The following TULP4 variants were observed in gnomAD, a reference collection of about 807,000 sequenced individuals.
TULP4 encodes tubby-related protein 4.
In TULP4, 16 loss-of-function variants were observed where a neutral mutation model predicts 129.0. The ratio of observed to expected loss-of-function variants is 0.12; its 90% CI spans 0.08 to 0.19. The LOEUF is 0.19. TULP4 is among the 10% of genes least tolerant of loss of function. The probability of loss-of-function intolerance (pLI) is 1.00; values close to 1 mark genes in which losing one functional copy is unlikely to be tolerated. For missense variants in TULP4, 1,842 were observed against 2,059.1 expected, an observed-to-expected ratio of 0.89 and a Z score of 2.04; for synonymous variants, 998 against 854.0, an observed-to-expected ratio of 1.17 and a Z score of -2.94.
At chr6:158,287,781 T>C (rs1420113473) in intron 1 of TULP4, among the ~76,000 whole-genome samples, 5 of 152,180 alleles carry the variant, frequency 3.3e-5, no homozygotes, top group African/African-American at 1.2e-4. Flanking sequence ...ATTCATACTT[T>C]GAAAGGAGAG....
At position 158,502,166 on chromosome 6, in the gene TULP4, C is replaced by T. The variant is rs199951730; in HGVS notation, c.2503C>T (p.Pro835Ser). 4.5e-6 allele frequency: 7 copies of T among 1,569,522 alleles called. No individual in the cohort carries two copies. Among genetic ancestry groups the T allele is most frequent in the Admixed American group, 1.8e-5 (1 of 55,236 alleles). The change falls in exon 13 of 14, where the codon CCC becomes TCC. Residue 835 changes from proline to serine, a missense_variant. By Grantham distance (74) the Pro-to-Ser change is moderately conservative. Transcript: ENST00000367097. ...CCAGGTGACGAAGATAAACCCTCCACCCCCGTACCCAGGAACCATCCCCGC... is the reference window on the plus strand; with the variant it reads ...CCAGGTGACGAAGATAAACCCTCCATCCCCGTACCCAGGAACCATCCCCGC... ...EVQVTKINPPPPYPGTIPAAP... is the reference protein window; with the variant it reads ...EVQVTKINPPSPYPGTIPAAP...
Position 158,502,241 on chromosome 6 carries a change from C to T in TULP4, c.2578C>T (p.Pro860Ser), listed in dbSNP as rs935440800. ...GCCCCCTCTGCCGCCCCCACAGCCC[C>T]CAGTGGATGTGTGCTTGAAGAAGGG... is the stretch of plus-strand genomic sequence containing the variant. ...PPPPLPPPQPPVDVCLKKGDF... is the reference protein window; with the variant it reads ...PPPPLPPPQPSVDVCLKKGDF... Residue 860 changes from proline to serine, a missense_variant, in exon 13 of 14, where the codon CCA becomes TCA. Physicochemically the swap from Pro to Ser is moderately conservative, Grantham distance 74. Coordinates refer to ENST00000367097, the MANE Select transcript of TULP4 (RefSeq NM_020245.5). The T allele has an allele frequency of 6.3e-7, 1 of 1,591,242 alleles. No individual in the cohort carries two copies. The highest frequency in any genetic ancestry group is 8.6e-7 in the Non-Finnish European group (1 of 1,164,482).
chr6:158,410,652 A>G (rs1778078013), intron 1 of TULP4, among the ~76,000 whole-genome samples: 1 of 152,320 alleles, frequency 6.6e-6, no homozygotes, highest in South Asian at 2.1e-4. Flanking sequence ...TGCTTGGGTC[A>G]AATCATTGGC....
chr6:158,276,755 A>G (rs967670497), intron 1 of TULP4, among the ~76,000 whole-genome samples: 2 of 152,094 alleles, frequency 1.3e-5, no homozygotes, highest in African/African-American at 2.4e-5. Context: ...CTGCAGACCT[A>G]CCAAGGTGTT....
intron 1 of TULP4, among the ~76,000 whole-genome samples, chr6:158,249,646 A>T (rs1478586275): frequency 6.6e-6 from 1 of 152,192 alleles, no homozygotes; most frequent in African/African-American, 2.4e-5. Context: ...AATGGCTGTG[A>T]CAGCCGGGTC....
intron 12 of TULP4, among the ~76,000 whole-genome samples, chr6:158,499,254 C>T (rs897757770): frequency 6.6e-6 from 1 of 152,178 alleles, no homozygotes; most frequent in Non-Finnish European, 1.5e-5. Context: ...TCCCGTGGTG[C>T]GCACAGAGCC....
At chr6:158,433,161 CTT>C (rs1165648825) in intron 3 of TULP4, among the ~76,000 whole-genome samples, 1 of 152,120 alleles carries the variant, frequency 6.6e-6, no homozygotes, top group African/African-American at 2.4e-5. Flanking sequence ...TTTAAATTGA[CTT>C]TTTCATGAGG....
chr6:158,360,524 G>A (rs1480366201), intron 1 of TULP4, among the ~76,000 whole-genome samples: 1 of 152,188 alleles, frequency 6.6e-6, no homozygotes, highest in Non-Finnish European at 1.5e-5. Flanking sequence ...ATTGTTGGAA[G>A]GCAATGGCAG....
intron 1 of TULP4, among the ~76,000 whole-genome samples, chr6:158,323,601 A>G (rs991629168): frequency 6.6e-6 from 1 of 152,024 alleles, no homozygotes; most frequent in Non-Finnish European, 1.5e-5. Context: ...GGGCTGCCCC[A>G]CTCCCGGAGG....
intron 5 of TULP4, among the ~76,000 whole-genome samples, chr6:158,460,442 G>A (rs1779398011): frequency 1.5e-5 from 2 of 133,534 alleles, no homozygotes; most frequent in South Asian, 5.2e-4. Context: ...TACGATTTTA[G>A]GGTCTTGAAG....
chr6:158,334,870 CTG>C (rs1484517658), intron 1 of TULP4, among the ~76,000 whole-genome samples: 1 of 152,198 alleles, frequency 6.6e-6, no homozygotes, highest in Non-Finnish European at 1.5e-5. Flanking sequence ...TGCTCTTCTG[CTG>C]TGTGAGGACA....
intron 1 of TULP4, among the ~76,000 whole-genome samples, chr6:158,260,105 T>A: frequency 6.6e-6 from 1 of 152,214 alleles, no homozygotes; most frequent in East Asian, 1.9e-4. Context: ...TCTAATCATA[T>A]GCTTGGTCTT....
At position 158,503,438 on chromosome 6, in the gene TULP4, G is replaced by A. The variant is rs150378179; in HGVS notation, c.3775G>A (p.Ala1259Thr). 8.6e-5 allele frequency: 138 copies of A among 1,613,800 alleles called. No individual in the cohort carries two copies. The highest frequency in any genetic ancestry group is 8.2e-4 in the Middle Eastern group (5 of 6,084). ...CTCTAGTTTACAGCTGCCACCTGTC[G>A]CCTTGCATCCATGGAGTTCCTACAG... ...TCSSLQLPPVALHPWSSYSAC... is the reference protein window; with the variant it reads ...TCSSLQLPPVTLHPWSSYSAC... The change falls in exon 13 of 14, where the codon GCC (alanine) becomes ACC (threonine). Residue 1259 changes from alanine to threonine, a missense_variant. This residue lies in a region of TULP4 where 1,089 missense variants were observed against 987.1 expected (regional missense o/e 1.10). Coordinates refer to ENST00000367097, the MANE Select transcript of TULP4 (RefSeq NM_020245.5). The surrounding 1 kb of genome is among the most constrained non-coding windows in gnomAD (Gnocchi z 4.3).
At chr6:158,314,302 T>C (rs1457269041) in intron 1 of TULP4, 34 bp downstream of exon 1, 1 of 1,599,620 alleles carries the variant, frequency 6.3e-7, no homozygotes, top group Non-Finnish European at 8.5e-7. Context: ...TTTTGGTCAC[T>C]TCCAGTGGTG....
rs5881254 is a variant in TULP4, at chr6:158,342,947, A to ATGTGTGTGTGTGTGTGTGTGTGTGTG, written c.252+28693_252+28718dup. Reference sequence around the variant, plus strand: ...TAGTGAACGATGAGATTAAAAATAAATGTGTGTGTGTGTGTGTGTGTGTGT... The same window carrying ATGTGTGTGTGTGTGTGTGTGTGTGTG: ...TAGTGAACGATGAGATTAAAAATAAATGTGTGTGTGTGTGTGTGTGTGTGTGTGTGTGTGTGTGTGTGTGTGTGTGT... On this transcript the variant is annotated intron_variant, in intron 1 of 13. Coordinates refer to ENST00000367097, the MANE Select transcript of TULP4 (RefSeq NM_020245.5). Among the ~76,000 whole-genome samples the ATGTGTGTGTGTGTGTGTGTGTGTGTG allele has an allele frequency of 1.6e-3, 231 of 147,616 alleles. 1 individual carries two copies. The highest frequency in any genetic ancestry group is 4.5e-3 in the African/African-American group (178 of 39,492).
chr6:158,237,261 T>TG (rs1777728546), intron 1 of TULP4: 2 of 1,041,270 alleles, frequency 1.9e-6, no homozygotes, highest in Non-Finnish European at 3.0e-6. Flanking sequence ...CTGTGCTTCT[T>TG]GCTGTATTAC....
At chr6:158,336,132 G>A (rs988102323) in intron 1 of TULP4, among the ~76,000 whole-genome samples, 3 of 152,108 alleles carry the variant, frequency 2.0e-5, no homozygotes, top group Non-Finnish European at 2.9e-5. Context: ...TTGCCAATAT[G>A]GTAGAAGAAA....
chr6:158,438,035 C>A (rs1429661120), intron 3 of TULP4: 1 of 152,110 alleles, frequency 6.6e-6, no homozygotes, highest in African/African-American at 2.4e-5. Context: ...TGGGATTGCA[C>A]CTGTGAATAG....
intron 1 of TULP4, among the ~76,000 whole-genome samples, chr6:158,406,719 G>T (rs1276685166): frequency 1.3e-5 from 2 of 152,230 alleles, no homozygotes; most frequent in Non-Finnish European, 2.9e-5. Flanking sequence ...TGGAATGGTA[G>T]TTTCGCATTC....
Sources: gnomAD v4.1 joint callset for allele counts (sites outside exome capture counted in the v4.1 genomes callset) on GRCh38, gnomAD v4.1.1 for gene constraint, gnomAD v4.1.1 regional missense constraint, Gnocchi (gnomAD v3.1) non-coding constraint, MANE v1.5 for transcripts, NCBI Gene and HGNC (gene_info 2026-07-23, HGNC 2026-07-21) for gene names.